Variants in CCDC57 observed in about 807,000 individuals in gnomAD.
The protein encoded by CCDC57 is coiled-coil domain-containing protein 57.
In CCDC57, 118 loss-of-function variants were observed where a neutral mutation model predicts 118.9. That is an observed-to-expected ratio of 0.99 (90% confidence interval 0.86 to 1.16). CCDC57 has a LOEUF of 1.16. Among genes scored for constraint, CCDC57 ranks in the 50% most tolerant of loss-of-function variants. CCDC57 has a pLI of 0.00. For missense variants in CCDC57, 1,300 were observed against 1,320.7 expected, an observed-to-expected ratio of 0.98 and a Z score of 0.24; for synonymous variants, 527 against 532.9, an observed-to-expected ratio of 0.99 and a Z score of 0.15.
At chr17:82,186,585 C>T (rs186331200) in intron 8 of CCDC57, among the ~76,000 whole-genome samples, 202 of 152,224 alleles carry the variant, frequency 1.3e-3, no homozygotes, top group African/African-American at 4.6e-3. Context: ...CCTGAATAAG[C>T]CCTTAACTTC....
At chr17:82,155,772 G>C (rs1398083380) in intron 15 of CCDC57, 1 of 152,344 alleles carries the variant, frequency 6.6e-6, no homozygotes, top group East Asian at 1.9e-4. Context: ...TCGTCTCCAG[G>C]AGCTCAGCCA....
At chr17:82,154,067 C>G (rs1187160894) in intron 15 of CCDC57, 1 of 152,372 alleles carries the variant, frequency 6.6e-6, no homozygotes, top group African/African-American at 2.4e-5. Context: ...CCAGTGGACC[C>G]AGGGATGTAA....
intron 3 of CCDC57, among the ~76,000 whole-genome samples, chr17:82,200,687 G>A (rs1433302243): frequency 6.6e-6 from 1 of 152,056 alleles, no homozygotes; most frequent in Non-Finnish European, 1.5e-5. Flanking sequence ...CAGCTACGTG[G>A]GAGGCTGAGG....
At chr17:82,209,769 G>C (rs2050039293) in intron 1 of CCDC57, among the ~76,000 whole-genome samples, 1 of 152,148 alleles carries the variant, frequency 6.6e-6, no homozygotes, top group Non-Finnish European at 1.5e-5. Context: ...CTACAGGCGT[G>C]AGCCACTGTA....
At chr17:82,209,506 G>A (rs1195782921) in intron 1 of CCDC57, among the ~76,000 whole-genome samples, 1 of 151,918 alleles carries the variant, frequency 6.6e-6, no homozygotes, top group East Asian at 1.9e-4. Flanking sequence ...TTGTTGAGAT[G>A]GGATCTCACT....
At position 82,179,718 on chromosome 17, in the gene CCDC57, G is replaced by A. The variant is rs146094225; in HGVS notation, c.1212-529C>T. Among the ~76,000 whole-genome samples, 1,206 of 152,232 alleles carry A rather than the reference G, an allele frequency of 7.9e-3. 18 individuals are homozygous for A. Among genetic ancestry groups the A allele is most frequent in the African/African-American group, 0.027 (1,106 of 41,536 alleles). ...CGGGGGCTTCCTCCAGAAAACCAGC[G>A]CACAGATGAGAATGGAAGGAGGAAA... On this transcript the variant is annotated intron_variant, in intron 9 of 19. Coordinates refer to ENST00000665763, the Ensembl canonical transcript of CCDC57.
At chr17:82,131,205 T>C (rs528030624) in intron 17 of CCDC57, among the ~76,000 whole-genome samples, 1 of 145,422 alleles carries the variant, frequency 6.9e-6, no homozygotes, top group East Asian at 2.2e-4. Flanking sequence ...CTGAGACAGG[T>C]GGATTACTTG....
intron 17 of CCDC57, among the ~76,000 whole-genome samples, chr17:82,132,511 CAGA>C (rs938141077): frequency 6.6e-6 from 1 of 152,120 alleles, no homozygotes; most frequent in African/African-American, 2.4e-5. Context: ...AAATCACCCA[CAGA>C]AGAAGAACTA....
Position 82,202,090 on chromosome 17 carries a change from G to A in CCDC57, c.-8-138C>T, listed in dbSNP as rs1373610217. On this transcript the variant is annotated intron_variant, in intron 2 of 19. Transcript: ENST00000665763. ...TCACACCTGTAATCCCAGCCCTTTG[G>A]GAGGCCGAGGCAGGCGGATCACCTG... The A allele has an allele frequency of 1.3e-5, 11 of 870,592 alleles. No homozygotes were observed. In the Admixed American group the frequency reaches 2.4e-4, roughly 19 times the overall value. 53.9% of individuals were successfully genotyped at this position (870,592 alleles called of 1,614,324 possible).
intron 16 of CCDC57, among the ~76,000 whole-genome samples, chr17:82,143,760 A>G (rs117664050): frequency 2.0e-5 from 3 of 152,182 alleles, no homozygotes; most frequent in East Asian, 3.9e-4. Flanking sequence ...AGACACAACA[A>G]TGGTAAAACA....
At chr17:82,175,802 T>C (rs372154231) in intron 11 of CCDC57, 1 of 152,242 alleles carries the variant, frequency 6.6e-6, no homozygotes, top group African/African-American at 2.4e-5. Context: ...TCTGAGATTT[T>C]CTGGGTTCAC....
At chr17:82,163,491 G>C in intron 13 of CCDC57, 134 bp from the exon 13 acceptor site, 1 of 962,130 alleles carries the variant, frequency 1.0e-6, no homozygotes, top group Non-Finnish European at 1.5e-6. Flanking sequence ...ATGCGAAGCT[G>C]TTCTTCATTG....
In CCDC57 at chr17:82,118,041, C is replaced by T. The variant is rs2036156439; in HGVS notation, c.2899+9651G>A. Among the ~76,000 whole-genome samples, 1 of 152,162 alleles carries T rather than the reference C, an allele frequency of 6.6e-6. No individual in the cohort carries two copies. The highest frequency in any genetic ancestry group is 2.4e-5 in the African/African-American group (1 of 41,422). ...CAAAACAAAGGGAGGTGAGCCGATG[C>T]GGCGGCTCACAAAACTACCAGAAAG... On this transcript the variant is annotated intron_variant, in intron 19 of 19. Coordinates refer to ENST00000665763, the Ensembl canonical transcript of CCDC57. The surrounding 1 kb of genome is among the most constrained non-coding windows in gnomAD (Gnocchi z 4.7).
At chr17:82,181,570 G>A (rs896239385) in intron 9 of CCDC57, among the ~76,000 whole-genome samples, 1 of 152,144 alleles carries the variant, frequency 6.6e-6, no homozygotes, top group African/African-American at 2.4e-5. Flanking sequence ...GATGGGCAAG[G>A]AAGTAGAAAA....
intron 2 of CCDC57, among the ~76,000 whole-genome samples, chr17:82,202,320 T>G (rs146865678): frequency 4.2e-4 from 61 of 144,822 alleles, no homozygotes; most frequent in Middle Eastern, 4.3e-3. Flanking sequence ...TACAAAAAAT[T>G]AGCCTGCTGT....
chr17:82,135,096 T>C (rs2038959873), intron 16 of CCDC57: 2 of 134,846 alleles, frequency 1.5e-5, no homozygotes, highest in Admixed American at 1.6e-4. Context: ...ATATTGGAAA[T>C]TGAAACAGAC....
At chr17:82,202,803 G>A (rs541181673) in intron 2 of CCDC57, among the ~76,000 whole-genome samples, 10 of 152,082 alleles carry the variant, frequency 6.6e-5, no homozygotes, top group Non-Finnish European at 1.5e-4. Context: ...GTAGAGGAAG[G>A]GAAGATGGGA....
At chr17:82,113,302 G>A (rs1431684036) in intron 19 of CCDC57, 1 of 670,190 alleles carries the variant, frequency 1.5e-6, no homozygotes, top group Non-Finnish European at 2.8e-6. Context: ...TTGGATTCCT[G>A]TAGCTTCAGT....
At chr17:82,102,621 G>A (rs1168665890) in intron 19 of CCDC57, among the ~76,000 whole-genome samples, 7 of 152,234 alleles carry the variant, frequency 4.6e-5, no homozygotes, top group South Asian at 4.1e-4. Context: ...GGTGGCTCAC[G>A]TCTGTAATCC....
Sources: allele counts gnomAD v4.1 joint callset (sites outside exome capture counted in the v4.1 genomes callset), GRCh38; gene constraint gnomAD v4.1.1; non-coding constraint Gnocchi (gnomAD v3.1); transcripts MANE v1.5; gene names NCBI Gene and HGNC (gene_info 2026-07-23, HGNC 2026-07-21).